The following ZRANB3 variants were observed in gnomAD, a reference collection of about 807,000 sequenced individuals.
ZRANB3 encodes the protein DNA annealing helicase and endonuclease ZRANB3.
A neutral mutation model predicts 133.8 loss-of-function variants in ZRANB3; 125 were observed. The ratio of observed to expected loss-of-function variants is 0.93; its 90% CI spans 0.81 to 1.08. The LOEUF (loss-of-function observed/expected upper bound fraction) is 1.08, where lower values mean the gene tolerates loss of function less well. ZRANB3 is among the 50% of genes least tolerant of loss of function. The pLI is 0.00. For synonymous variants in ZRANB3, 387 were observed against 432.7 expected (o/e 0.89, Z 1.31); for missense variants, 1,229 against 1,275.5 (o/e 0.96, Z 0.56).
At chr2:135,312,628 T>A (rs1683051479) in intron 8 of ZRANB3, among the ~76,000 whole-genome samples, 1 of 152,106 alleles carries the variant, frequency 6.6e-6, no homozygotes, top group Non-Finnish European at 1.5e-5. Flanking sequence ...CTCTGTAGGG[T>A]ACTGAACATG....
intron 8 of ZRANB3, among the ~76,000 whole-genome samples, chr2:135,312,751 T>C (rs990787785): frequency 6.6e-6 from 1 of 151,994 alleles, no homozygotes. Flanking sequence ...CACGGTGGCT[T>C]ACACCTGTAA....
At chr2:135,258,555 G>A (rs543555142) in intron 12 of ZRANB3, among the ~76,000 whole-genome samples, 2 of 152,136 alleles carry the variant, frequency 1.3e-5, no homozygotes, top group South Asian at 2.1e-4. Context: ...CAATGTATCC[G>A]CATGCCTAAA....
intron 11 of ZRANB3, among the ~76,000 whole-genome samples, chr2:135,267,018 C>G (rs1048692347): frequency 1.3e-5 from 2 of 152,192 alleles, no homozygotes; most frequent in African/African-American, 4.8e-5. Flanking sequence ...GCCCAACCAT[C>G]TAAGGCACAA....
At chr2:135,504,245 C>G (rs761852452) in intron 2 of ZRANB3, 84 bp downstream of exon 2, 17 of 1,534,792 alleles carry the variant, frequency 1.1e-5, no homozygotes, top group Non-Finnish European at 1.3e-5. Context: ...TGTGAATACA[C>G]GAAAAGAAAG....
At chr2:135,433,963 C>G (rs1467495603) in intron 2 of ZRANB3, among the ~76,000 whole-genome samples, 2 of 152,178 alleles carry the variant, frequency 1.3e-5, no homozygotes, top group Admixed American at 6.5e-5. Context: ...CGCCACTGCA[C>G]TCCAGCCTGG....
At chr2:135,509,080 T>C (rs1693328470) in intron 1 of ZRANB3, among the ~76,000 whole-genome samples, 2 of 152,020 alleles carry the variant, frequency 1.3e-5, no homozygotes, top group African/African-American at 4.8e-5. Context: ...TAATAAACAT[T>C]GACCATTTCC....
intron 2 of ZRANB3, among the ~76,000 whole-genome samples, chr2:135,467,283 C>T (rs1261644531): frequency 6.6e-6 from 1 of 152,158 alleles, no homozygotes; most frequent in African/African-American, 2.4e-5. Context: ...ATACCAACCC[C>T]TCCTTGTCCA....
chr2:135,416,523 G>C (rs988189723), intron 2 of ZRANB3, among the ~76,000 whole-genome samples: 7 of 151,768 alleles, frequency 4.6e-5, no homozygotes, highest in African/African-American at 1.5e-4. Context: ...CGTGAAAATG[G>C]CCATACTGCC....
intron 3 of ZRANB3, among the ~76,000 whole-genome samples, chr2:135,367,268 T>C (rs1487398604): frequency 6.6e-6 from 1 of 152,148 alleles, no homozygotes; most frequent in Non-Finnish European, 1.5e-5. Context: ...AACTCAGATC[T>C]GTGTAAAAAT....
chr2:135,509,511 A>T (rs2104828533), intron 1 of ZRANB3, among the ~76,000 whole-genome samples: 1 of 152,316 alleles, frequency 6.6e-6, no homozygotes, highest in African/African-American at 2.4e-5. Context: ...CTAATAAAAC[A>T]AATCTAGATA....
At chr2:135,272,776 C>T (rs1176183257) in intron 9 of ZRANB3, among the ~76,000 whole-genome samples, 1 of 152,082 alleles carries the variant, frequency 6.6e-6, no homozygotes, top group Admixed American at 6.5e-5. Context: ...GAGGCACCCA[C>T]ACACATTTTT....
chr2:135,446,425 A>G (rs1300225871), intron 2 of ZRANB3, among the ~76,000 whole-genome samples: 1 of 152,142 alleles, frequency 6.6e-6, no homozygotes, highest in Admixed American at 6.6e-5. Flanking sequence ...GGTGTTAGAA[A>G]TTTGAGGACA....
intron 9 of ZRANB3, 43 bp downstream of exon 9, chr2:135,275,593 A>G (rs914909840): frequency 8.0e-6 from 12 of 1,508,832 alleles, no homozygotes; most frequent in African/African-American, 1.4e-5. Flanking sequence ...TATAGTAAAA[A>G]TATGCATTCT....
intron 8 of ZRANB3, among the ~76,000 whole-genome samples, chr2:135,281,487 A>G (rs942456342): frequency 6.6e-6 from 1 of 152,094 alleles, no homozygotes; most frequent in African/African-American, 2.4e-5. Flanking sequence ...GGGGGTTTCA[A>G]AAAAACATCC....
intron 12 of ZRANB3, among the ~76,000 whole-genome samples, chr2:135,248,475 C>G (rs1018970830): frequency 6.6e-6 from 1 of 152,202 alleles, no homozygotes; most frequent in African/African-American, 2.4e-5. Context: ...GCAAAATAAA[C>G]TATCAACAGG....
chr2:135,360,718 A>G (rs1685655867), intron 3 of ZRANB3, among the ~76,000 whole-genome samples: 1 of 152,198 alleles, frequency 6.6e-6, no homozygotes, highest in African/African-American at 2.4e-5. Flanking sequence ...AAAATAAAAT[A>G]AAATAAAATA....
At chr2:135,369,795 C>T (rs1397509026) in intron 3 of ZRANB3, among the ~76,000 whole-genome samples, 1 of 152,066 alleles carries the variant, frequency 6.6e-6, no homozygotes, top group Non-Finnish European at 1.5e-5. Context: ...CCTCAATTTT[C>T]GTTTTTTCAA....
intron 2 of ZRANB3, among the ~76,000 whole-genome samples, chr2:135,406,006 C>T (rs1019643533): frequency 7.2e-5 from 11 of 151,852 alleles, no homozygotes; most frequent in African/African-American, 2.2e-4. Flanking sequence ...CACAAAAAAC[C>T]CTTCAAAAAA....
At chr2:135,245,926 CAAA>C (rs1177438717) in intron 12 of ZRANB3, among the ~76,000 whole-genome samples, 213 of 19,538 alleles carry the variant, frequency 0.011, 3 homozygotes, top group African/African-American at 0.051. Flanking sequence ...AACTCCGTCT[CAAA>C]AAAAAAAAAA....
Sources: gnomAD v4.1 joint callset for allele counts (sites outside exome capture counted in the v4.1 genomes callset) on GRCh38, gnomAD v4.1.1 for gene constraint, MANE v1.5 for transcripts, NCBI Gene and HGNC (gene_info 2026-07-23, HGNC 2026-07-21) for gene names.